The following RNF123 variants were observed in gnomAD, a reference collection of about 807,000 sequenced individuals.
RNF123 encodes the protein ring finger protein 123.
In RNF123, 86 loss-of-function variants were observed where a neutral mutation model predicts 168.5. That is an observed-to-expected ratio of 0.51 (90% CI 0.43 to 0.61). RNF123 has a LOEUF of 0.61. Among genes scored for constraint, RNF123 ranks in the 20% least tolerant of loss-of-function variants. The probability of loss-of-function intolerance (pLI) is 0.00; values close to 1 mark genes in which losing one functional copy is unlikely to be tolerated. For missense variants in RNF123, 1,419 were observed against 1,729.7 expected (o/e 0.82, Z 3.19); for synonymous variants, 666 against 689.1 (o/e 0.97, Z 0.52).
rs1431321774 is a variant in RNF123 at position 49,706,084 on chromosome 3, T to C, written c.2388+19T>C. ...CAAGAGGGTAAGGCCCACATAGTCTTGGTGAGGGGCAGCTTGCTTACTCGT... is the reference window on the plus strand; with the variant it reads ...CAAGAGGGTAAGGCCCACATAGTCTCGGTGAGGGGCAGCTTGCTTACTCGT... On this transcript the variant is annotated intron_variant, in intron 25 of 38. Transcript: ENST00000327697. 1 of 1,608,998 alleles carries C rather than the reference T, an allele frequency of 6.2e-7. No individual in the cohort carries two copies. Among genetic ancestry groups the C allele is most frequent in the Non-Finnish European group, 8.5e-7 (1 of 1,175,506 alleles).
At chr3:49,718,333 G>T in intron 35 of RNF123, 1 of 1,613,382 alleles carries the variant, frequency 6.2e-7, no homozygotes, top group Non-Finnish European at 8.5e-7. Context: ...GAAAGCCTCG[G>T]GCTCTGGGCG....
intron 35 of RNF123, chr3:49,719,651 T>C (rs1031445128): frequency 3.4e-6 from 2 of 584,064 alleles, no homozygotes; most frequent in East Asian, 3.1e-5. Context: ...GCGGCACTCT[T>C]AGCCGCGCTC....
intron 35 of RNF123, 148 bp from the exon 36 acceptor site, chr3:49,720,363 G>GGACTT (rs1425656337): frequency 5.6e-6 from 4 of 719,854 alleles, no homozygotes; most frequent in Non-Finnish European, 8.4e-6. Flanking sequence ...CTAGAATACA[G>GGACTT]GACTTGGGGT....
intron 22 of RNF123, 59 bp downstream of exon 22, chr3:49,704,815 C>T: frequency 6.8e-7 from 1 of 1,476,416 alleles, no homozygotes; most frequent in South Asian, 1.3e-5. Flanking sequence ...ATCTTATGGG[C>T]AGGGGTCTCA....
chr3:49,694,929 G>T (rs2054238350), intron 3 of RNF123, among the ~76,000 whole-genome samples: 1 of 152,222 alleles, frequency 6.6e-6, no homozygotes, highest in South Asian at 2.1e-4. Flanking sequence ...TGGGTATTCA[G>T]GGCCCTGAAC....
rs192621468 is a variant in RNF123, at chr3:49,697,350, C to T, written c.248-13C>T. 1.2e-6 allele frequency: 2 copies of T among 1,605,310 alleles called. No homozygotes were observed. Among genetic ancestry groups the T allele is most frequent in the East Asian group, 2.2e-5 (1 of 44,750 alleles). On this transcript the variant is annotated splice_polypyrimidine_tract_variant and intron_variant, in intron 4 of 38. Coordinates refer to ENST00000327697, the MANE Select transcript of RNF123 (RefSeq NM_022064.5). ...TGCTCCACCCTGCCTGACCCCACCT[C>T]TCCTCTTTTCAGGACAGGTTGAAGG...
chr3:49,716,564 C>T (rs1041607208), intron 35 of RNF123, 87 bp downstream of exon 35: 3 of 1,158,710 alleles, frequency 2.6e-6, no homozygotes, highest in African/African-American at 1.5e-5. Context: ...ACTTCAGTTT[C>T]CTCATCTGGA....
intron 27 of RNF123, 111 bp from the exon 28 acceptor site, chr3:49,713,402 G>A: frequency 9.6e-7 from 1 of 1,038,868 alleles, no homozygotes; most frequent in Admixed American, 2.1e-5. Context: ...GTCCAGGCTG[G>A]CCTTGGGAGC....
In RNF123 at chr3:49,718,448, C is replaced by T; in HGVS notation, c.3500+1971C>T. On this transcript the variant is annotated intron_variant, in intron 35 of 38. Coordinates refer to ENST00000327697, the MANE Select transcript of RNF123 (RefSeq NM_022064.5). ...CCCGCATGCTGCTCCTGTACGTTGC[C>T]TATGGCCAAGCTGCCGTCGGCCAGC... 1.9e-6 allele frequency: 3 copies of T among 1,612,968 alleles called. No homozygotes were observed. The South Asian group carries it at 3.3e-5, about 18-fold the overall frequency.
chr3:49,702,771 C>T lies in RNF123; in HGVS notation c.1750+18C>T, dbSNP rs1287130961. On this transcript the variant is annotated intron_variant, in intron 20 of 38. Transcript: ENST00000327697. Reference sequence around the variant, plus strand: ...CAGTGAGGGTGAGTGGCACCGGGGTCCCAGGTCAGTGAGGCTGGACAGAGC... The same window carrying T: ...CAGTGAGGGTGAGTGGCACCGGGGTTCCAGGTCAGTGAGGCTGGACAGAGC... 1 of 1,613,948 alleles carries T rather than the reference C, an allele frequency of 6.2e-7. No individual in the cohort carries two copies. The highest frequency in any genetic ancestry group is 1.7e-5 in the Admixed American group (1 of 60,028).
intron 1 of RNF123, among the ~76,000 whole-genome samples, chr3:49,690,036 ATGGACG>A: frequency 6.6e-6 from 1 of 152,068 alleles, no homozygotes; most frequent in Non-Finnish European, 1.5e-5. Flanking sequence ...GGCACCGATC[ATGGACG>A]CCCACCGAGG....
At position 49,712,530 on chromosome 3, in the gene RNF123, G is replaced by A. The variant is rs1182880169; in HGVS notation, c.2548G>A (p.Glu850Lys). 1.2e-6 allele frequency: 2 copies of A among 1,614,086 alleles called. No individual in the cohort carries two copies. The highest frequency in any genetic ancestry group is 1.7e-6 in the Non-Finnish European group (2 of 1,180,052). The change falls in exon 27 of 39, where the codon GAG becomes AAG. Residue 850 changes from glutamate (E) to lysine (K), a missense_variant. Transcript: ENST00000327697. ...GCTGCGCGTCTGCCTGCGGACCATT[G>A]AGCACGGTGATCGCACAGGGTCTCT... ...WLLRVCLRTI[E>K]HGDRTGSLFA...
rs191329875 is a variant in RNF123 at position 49,713,002 on chromosome 3, C to T, written c.2674+346C>T. ...TGACTCCCTGGCACTGGTCACAAAGCGTAGCAGTTGGTCAGGGGCAGAATG... is the reference window on the plus strand; with the variant it reads ...TGACTCCCTGGCACTGGTCACAAAGTGTAGCAGTTGGTCAGGGGCAGAATG... On this transcript the variant is annotated intron_variant, in intron 27 of 38. Transcript: ENST00000327697. 894 of 691,634 alleles carry T rather than the reference C, an allele frequency of 1.3e-3. 2 individuals are homozygous for T. Among genetic ancestry groups the T allele is most frequent in the Middle Eastern group, 5.3e-3 (23 of 4,324 alleles). 42.8% of individuals were successfully genotyped at this position (691,634 alleles called of 1,614,324 possible). A position where few individuals can be genotyped will look rare whatever the true frequency, so the allele number is the denominator to read the frequency against.
At position 49,700,528 on chromosome 3, in the gene RNF123, C is replaced by T; in HGVS notation, c.1167C>T (p.Tyr389=). The T allele has an allele frequency of 6.2e-7, 1 of 1,614,206 alleles. No homozygotes were observed. The highest frequency in any genetic ancestry group is 8.5e-7 in the Non-Finnish European group (1 of 1,180,038). ...KQLMMSLLRL[Y]RFSPIVPDLG... is the part of the protein sequence containing the mutation. Reference sequence around the variant, plus strand: ...TGATGATGTCTCTGCTTCGGCTGTACCGATTCTCACCCATTGTCCCAGACC... The same window carrying T: ...TGATGATGTCTCTGCTTCGGCTGTATCGATTCTCACCCATTGTCCCAGACC... The change falls in exon 14 of 39, where the codon TAC becomes TAT. Residue 389 remains tyrosine, a synonymous_variant. Transcript: ENST00000327697.
In RNF123 at chr3:49,713,729, T is replaced by G; in HGVS notation, c.2750-9T>G. ...CAAGCCCCTGCTGAGGCACGGTGTG[T>G]CCCCGCAGACATCCGAGACTCACTG... On this transcript the variant is annotated splice_polypyrimidine_tract_variant and intron_variant, in intron 28 of 38. Transcript: ENST00000327697. 1 of 1,593,606 alleles carries G rather than the reference T, an allele frequency of 6.3e-7. No homozygotes were observed. The highest frequency in any genetic ancestry group is 8.5e-7 in the Non-Finnish European group (1 of 1,170,296).
At chr3:49,698,029 G>A in intron 6 of RNF123, 23 bp from the exon 7 acceptor site, 2 of 1,613,444 alleles carry the variant, frequency 1.2e-6, no homozygotes, top group Non-Finnish European at 1.7e-6. Context: ...TCCACCTCGT[G>A]GCCCTAACTC....
chr3:49,701,005 A>T (rs2054371837), intron 15 of RNF123, among the ~76,000 whole-genome samples: 1 of 152,234 alleles, frequency 6.6e-6, no homozygotes, highest in Admixed American at 6.5e-5. Flanking sequence ...TTCATGTTCC[A>T]CAGTGGGGAT....
Position 49,704,958 on chromosome 3 carries a change from G to A in RNF123, c.1960-26G>A, listed in dbSNP as rs780702742. On this transcript the variant is annotated intron_variant, in intron 22 of 38. Coordinates refer to ENST00000327697, the MANE Select transcript of RNF123 (RefSeq NM_022064.5). ...CCAAGGGAACCCTGAGCCAGCCCTG[G>A]TCCTGGCCGCCTTTCTTCACTGCAG... 6 of 1,578,742 alleles carry A rather than the reference G, an allele frequency of 3.8e-6. No individual in the cohort carries two copies. The Admixed American group carries it at 5.4e-5, about 14-fold the overall frequency.
In RNF123 at chr3:49,705,626, C is replaced by T; in HGVS notation, c.2251C>T (p.Leu751=). Residue 751 remains leucine (L), a synonymous_variant, in exon 24 of 39, where the codon CTG becomes TTG. Coordinates refer to ENST00000327697, the MANE Select transcript of RNF123 (RefSeq NM_022064.5). ...CACCGAGAACTCGCTGCTGGAAGTC[C>T]TGGATGGGGCGGTCATGATGTACAA... ...PLTENSLLEV[L]DGAVMMYNLS... is the part of the protein sequence containing the mutation. The T allele has an allele frequency of 5.0e-6, 8 of 1,614,158 alleles. No homozygotes were observed. The South Asian group carries it at 8.8e-5, about 18-fold the overall frequency.
Sources: allele counts gnomAD v4.1 joint callset (sites outside exome capture counted in the v4.1 genomes callset), GRCh38; gene constraint gnomAD v4.1.1; transcripts MANE v1.5; gene names NCBI Gene and HGNC (gene_info 2026-07-23, HGNC 2026-07-21).